ASB17: variants seen among roughly 807,000 people sequenced by gnomAD.
ASB17 encodes ankyrin repeat and SOCS box containing 17.
A neutral mutation model predicts 25.7 loss-of-function variants in ASB17; 26 were observed. That is an observed-to-expected ratio of 1.01 (90% CI 0.74 to 1.40). ASB17 has a LOEUF of 1.40. ASB17 is among the 40% of genes most tolerant of loss of function. The pLI, the probability that ASB17 is intolerant of heterozygous loss-of-function variation, is 0.00. For synonymous variants in ASB17, 128 were observed against 121.4 expected (o/e 1.05, Z -0.36); for missense variants, 326 against 338.5 (o/e 0.96, Z 0.29).
rs759472261 is a variant in ASB17, at chr1:75,932,261, T to G, written c.31A>C (p.Thr11Pro). The G allele has an allele frequency of 3.7e-6, 6 of 1,611,534 alleles. No individual in the cohort carries two copies. The highest frequency in any genetic ancestry group is 5.1e-6 in the Non-Finnish European group (6 of 1,178,824). The change falls in exon 1 of 3, where the codon ACT becomes CCT. Residue 11 changes from threonine to proline, a missense_variant. Coordinates refer to ENST00000284142, the MANE Select transcript of ASB17 (RefSeq NM_080868.3). MSKSTKLCGK[T>P]SCPRSNIFCN... Reference sequence around the variant, plus strand: ...AATATATTGCTTCTTGGACAAGAAGTCTTACCACATAATTTAGTAGATTTA... The same window carrying G: ...AATATATTGCTTCTTGGACAAGAAGGCTTACCACATAATTTAGTAGATTTA...
chr1:75,926,612 G>C (rs928307603), intron 1 of ASB17, among the ~76,000 whole-genome samples: 26 of 152,212 alleles, frequency 1.7e-4, no homozygotes, highest in Admixed American at 1.3e-4. Context: ...TGGAGGTTTT[G>C]AGTAGAAGAG....
Position 75,922,301 on chromosome 1 carries a change from C to T in ASB17, c.460G>A (p.Val154Ile), listed in dbSNP as rs963926024. The T allele has an allele frequency of 6.2e-7, 1 of 1,613,276 alleles. No individual in the cohort carries two copies. The highest frequency in any genetic ancestry group is 8.5e-7 in the Non-Finnish European group (1 of 1,179,748). ...PLSGITPLFYVAQTRQSNIFK... is the reference protein window; with the variant it reads ...PLSGITPLFYIAQTRQSNIFK... Reference sequence around the variant, plus strand: ...ATATTAGACTGTCTTGTCTGAGCTACATAAAAGAGAGGTGTGATGCCACTT... The same window carrying T: ...ATATTAGACTGTCTTGTCTGAGCTATATAAAAGAGAGGTGTGATGCCACTT... The change falls in exon 2 of 3, where the codon GTA becomes ATA. Residue 154 changes from valine (V) to isoleucine (I), a missense_variant. Transcript: ENST00000284142.
chr1:75,924,126 G>A (rs1653106308), intron 1 of ASB17, among the ~76,000 whole-genome samples: 1 of 151,972 alleles, frequency 6.6e-6, no homozygotes, highest in Non-Finnish European at 1.5e-5. Context: ...ATTAGTAGAT[G>A]TTTTCCAATA....
chr1:75,932,002 A>G lies in ASB17; in HGVS notation c.290T>C (p.Ile97Thr). The change falls in exon 1 of 3, where the codon ATT becomes ACT. Residue 97 changes from isoleucine to threonine, a missense_variant. Physicochemically the swap from Ile to Thr is moderately conservative, Grantham distance 89. Transcript: ENST00000284142. Reference sequence around the variant, plus strand: ...TTTTCTGGCAAAAACCCAGTACAGAATTGTATTCACACATATTTCAGTGAA... The same window carrying G: ...TTTTCTGGCAAAAACCCAGTACAGAGTTGTATTCACACATATTTCAGTGAA... ...LDFTEICVNT[I>T]LYWVFARKGN... is the part of the protein sequence containing the mutation. The G allele has an allele frequency of 6.2e-7, 1 of 1,614,156 alleles. No individual in the cohort carries two copies. Among genetic ancestry groups the G allele is most frequent in the Admixed American group, 1.7e-5 (1 of 60,022 alleles).
At chr1:75,928,975 T>C (rs1220970593) in intron 1 of ASB17, among the ~76,000 whole-genome samples, 2 of 152,170 alleles carry the variant, frequency 1.3e-5, no homozygotes, top group African/African-American at 4.8e-5. Context: ...GAAAGGCCTC[T>C]TTGAGAAGAT....
chr1:75,919,422 C>T (rs1388980416), intron 2 of ASB17, among the ~76,000 whole-genome samples: 1 of 151,658 alleles, frequency 6.6e-6, no homozygotes, highest in Non-Finnish European at 1.5e-5. Context: ...TTTTAGGGTA[C>T]ATGTGCACAA....
chr1:75,925,628 C>T (rs1571016519), intron 1 of ASB17, among the ~76,000 whole-genome samples: 1 of 152,078 alleles, frequency 6.6e-6, no homozygotes, highest in East Asian at 1.9e-4. Context: ...TGAAGTGCAG[C>T]AAGCAAAGCA....
chr1:75,930,255 A>C (rs1459942650), intron 1 of ASB17, among the ~76,000 whole-genome samples: 1 of 147,538 alleles, frequency 6.8e-6, no homozygotes, highest in Non-Finnish European at 1.5e-5. Context: ...TATTTATATA[A>C]CTAGTTATAT....
intron 1 of ASB17, among the ~76,000 whole-genome samples, chr1:75,928,417 T>C (rs1425127772): frequency 6.6e-6 from 1 of 152,216 alleles, no homozygotes; most frequent in Non-Finnish European, 1.5e-5. Flanking sequence ...GGCATTTAGA[T>C]GTTTTTTGCA....
chr1:75,927,446 C>T (rs1653201982), intron 1 of ASB17, among the ~76,000 whole-genome samples: 1 of 152,108 alleles, frequency 6.6e-6, no homozygotes, highest in Non-Finnish European at 1.5e-5. Context: ...AAATCTCTCT[C>T]CTTTCTCCCA....
chr1:75,922,488 C>CTT (rs3037164), intron 1 of ASB17, 129 bp from the exon 2 acceptor site: 6,076 of 121,760 alleles, frequency 0.05, 550 homozygotes, highest in East Asian at 0.12. Flanking sequence ...TTATATGTTT[C>CTT]TTTTTTTTTT....
chr1:75,920,643 A>G (rs1301496232), intron 2 of ASB17, among the ~76,000 whole-genome samples: 1 of 152,234 alleles, frequency 6.6e-6, no homozygotes, highest in East Asian at 1.9e-4. Context: ...GCTATTCTTT[A>G]TCTTCCTGCT....
chr1:75,922,180 A>G lies in ASB17; in HGVS notation c.581T>C (p.Val194Ala). The change falls in exon 2 of 3, where the codon GTA (valine) becomes GCA (alanine). Residue 194 changes from valine (V) to alanine (A), a missense_variant. Val to Ala is a moderately conservative substitution (Grantham distance 64). Transcript: ENST00000284142. The stretch of plus-strand genomic sequence containing the variant: ...GTCAGCCAATTCACGATCAACCATT[A>G]CTCTTACTCTCGAAGGGTAGAGTAC... ...TIVLYPSRVR[V>A]MVDRELADIH... The G allele has an allele frequency of 6.2e-7, 1 of 1,613,802 alleles. No homozygotes were observed. The highest frequency in any genetic ancestry group is 8.5e-7 in the Non-Finnish European group (1 of 1,179,804).
chr1:75,927,097 GA>G (rs1320769654), intron 1 of ASB17, among the ~76,000 whole-genome samples: 1 of 152,134 alleles, frequency 6.6e-6, no homozygotes, highest in African/African-American at 2.4e-5. Flanking sequence ...CTTTGAAGAT[GA>G]AGAGGCTATC....
At chr1:75,926,202 G>A (rs1272731511) in intron 1 of ASB17, among the ~76,000 whole-genome samples, 1 of 152,152 alleles carries the variant, frequency 6.6e-6, no homozygotes, top group East Asian at 1.9e-4. Context: ...ATATTATAGT[G>A]AACGATTAAC....
chr1:75,931,854 T>A (rs1213361296), intron 1 of ASB17, 37 bp downstream of exon 1: 7 of 1,512,480 alleles, frequency 4.6e-6, no homozygotes, highest in Non-Finnish European at 6.2e-6. Context: ...AAAGATAAAT[T>A]TTCTTGTTCT....
chr1:75,922,522 G>A (rs1397894442), intron 1 of ASB17, among the ~76,000 whole-genome samples, 163 bp from the exon 2 acceptor site: 9 of 93,308 alleles, frequency 9.6e-5, no homozygotes, highest in Non-Finnish European at 1.8e-4. Context: ...TTGAGATGGA[G>A]TTTCCCTCTT....
intron 2 of ASB17, among the ~76,000 whole-genome samples, chr1:75,921,655 G>A (rs1021938436): frequency 4.0e-4 from 61 of 152,058 alleles, no homozygotes; most frequent in Non-Finnish European, 1.3e-4. Context: ...AATGCTTGAC[G>A]TTGCTTTGAG....
intron 2 of ASB17, among the ~76,000 whole-genome samples, chr1:75,921,748 TG>T (rs1208587084): frequency 6.6e-6 from 1 of 152,150 alleles, no homozygotes; most frequent in Non-Finnish European, 1.5e-5. Context: ...AATATTCTGT[TG>T]GAAAGGAAGT....
Sources: gnomAD v4.1 joint callset for allele counts (sites outside exome capture counted in the v4.1 genomes callset) on GRCh38, gnomAD v4.1.1 for gene constraint, MANE v1.5 for transcripts, NCBI Gene and HGNC (gene_info 2026-07-23, HGNC 2026-07-21) for gene names.